Variants in SORBS2 observed in about 807,000 individuals in gnomAD.
The protein encoded by SORBS2 is sorbin and SH3 domain containing 2.
A neutral mutation model predicts 97.7 loss-of-function variants in SORBS2; 46 were observed. That is an observed-to-expected ratio of 0.47 (90% CI 0.37 to 0.60). SORBS2 has a LOEUF of 0.60. Among genes scored for constraint, SORBS2 ranks in the 20% least tolerant of loss-of-function variants. SORBS2 has a pLI of 0.00. For missense variants in SORBS2, 1,316 were observed against 1,282.3 expected (o/e 1.03, Z -0.40); for synonymous variants, 476 against 473.4 (o/e 1.01, Z -0.07).
intron 1 of SORBS2, among the ~76,000 whole-genome samples, chr4:185,915,346 A>G (rs2099257536): frequency 6.6e-6 from 1 of 152,184 alleles, no homozygotes; most frequent in Non-Finnish European, 1.5e-5. Context: ...TGCCTTGAAA[A>G]GCATTTTCCT....
At chr4:185,711,844 G>A (rs2098423340) in intron 2 of SORBS2, among the ~76,000 whole-genome samples, 1 of 152,032 alleles carries the variant, frequency 6.6e-6, no homozygotes, top group South Asian at 2.1e-4. Flanking sequence ...TTCAGCACAC[G>A]CACAAGCTGC....
intron 2 of SORBS2, among the ~76,000 whole-genome samples, chr4:185,765,296 T>C (rs1009310565): frequency 5.9e-5 from 9 of 152,310 alleles, no homozygotes; most frequent in South Asian, 2.1e-4. Flanking sequence ...CTGATTTATA[T>C]GTTAGATAAT....
chr4:185,598,839 G>A (rs1342773906), intron 12 of SORBS2, among the ~76,000 whole-genome samples: 1 of 151,750 alleles, frequency 6.6e-6, no homozygotes, highest in Non-Finnish European at 1.5e-5. Context: ...AAACACACGT[G>A]TAATCTGACA....
At chr4:185,933,914 G>C (rs951821960) in intron 1 of SORBS2, among the ~76,000 whole-genome samples, 2 of 152,186 alleles carry the variant, frequency 1.3e-5, no homozygotes, top group Non-Finnish European at 2.9e-5. Flanking sequence ...AGGAACATAA[G>C]TTGACCTCCA....
At chr4:185,638,848 GAAGA>G (rs1209439171) in intron 4 of SORBS2, 25 bp downstream of exon 14, 1 of 1,428,788 alleles carries the variant, frequency 7.0e-7, no homozygotes, top group Admixed American at 3.4e-5. Context: ...TGCCGGGCAT[GAAGA>G]AAGGTAAGGA....
At chr4:185,928,748 G>A (rs563592682) in intron 1 of SORBS2, among the ~76,000 whole-genome samples, 5 of 152,168 alleles carry the variant, frequency 3.3e-5, no homozygotes, top group South Asian at 2.1e-4. Flanking sequence ...GGGTTTCACC[G>A]TGTTAGCCAG....
At chr4:185,590,527 C>T (rs1010678269) in intron 13 of SORBS2, among the ~76,000 whole-genome samples, 3 of 152,074 alleles carry the variant, frequency 2.0e-5, no homozygotes, top group African/African-American at 7.2e-5. Flanking sequence ...ACATAAGTCT[C>T]TTTTTAAAAT....
At chr4:185,912,789 A>G (rs2099256040) in intron 1 of SORBS2, among the ~76,000 whole-genome samples, 1 of 152,182 alleles carries the variant, frequency 6.6e-6, no homozygotes, top group Admixed American at 6.5e-5. Flanking sequence ...GAGAACATCA[A>G]GCAAAATATT....
At chr4:185,809,872 C>A (rs545125853) in intron 1 of SORBS2, among the ~76,000 whole-genome samples, 99 of 152,296 alleles carry the variant, frequency 6.5e-4, no homozygotes, top group Non-Finnish European at 1.1e-3. Flanking sequence ...CTTCTAAAAG[C>A]TCCCCCAAGA....
At chr4:185,659,571 C>T (rs993659178), upstream of SORBS2, among the ~76,000 whole-genome samples, 24 of 146,118 alleles carry the variant, frequency 1.6e-4, no homozygotes, top group South Asian at 2.3e-4. Flanking sequence ...TGCCCGCCAT[C>T]ACGCCCAGCT....
At chr4:185,730,938 T>TA (rs1297488381) in intron 2 of SORBS2, among the ~76,000 whole-genome samples, 1 of 152,198 alleles carries the variant, frequency 6.6e-6, no homozygotes, top group Admixed American at 6.5e-5. Flanking sequence ...AATAATTTTT[T>TA]AAAAAACCAA....
intron 1 of SORBS2, among the ~76,000 whole-genome samples, chr4:185,885,644 T>C (rs1202887641): frequency 1.3e-5 from 2 of 152,234 alleles, no homozygotes; most frequent in African/African-American, 4.8e-5. Flanking sequence ...AATCTCTCAT[T>C]TTACTCTTCA....
chr4:185,715,494 G>A (rs2098458298), intron 2 of SORBS2, among the ~76,000 whole-genome samples: 1 of 151,724 alleles, frequency 6.6e-6, no homozygotes, highest in South Asian at 2.1e-4. Context: ...GAATAATTAA[G>A]ACTAAAGAAA....
chr4:185,863,494 T>C (rs2099225059), intron 1 of SORBS2, among the ~76,000 whole-genome samples: 1 of 152,226 alleles, frequency 6.6e-6, no homozygotes, highest in Admixed American at 6.5e-5. Flanking sequence ...TATACTGTCT[T>C]CTTATTTGTT....
intron 2 of SORBS2, among the ~76,000 whole-genome samples, chr4:185,757,815 A>C (rs2098840007): frequency 6.6e-6 from 1 of 152,228 alleles, no homozygotes; most frequent in African/African-American, 2.4e-5. Flanking sequence ...AGATCTATAC[A>C]ACTGGATGGA....
chr4:185,735,096 T>C (rs1554230825), intron 2 of SORBS2, among the ~76,000 whole-genome samples: 1 of 152,180 alleles, frequency 6.6e-6, no homozygotes, highest in Non-Finnish European at 1.5e-5. Flanking sequence ...CTGTGCATTT[T>C]CAAAACACAG....
intron 2 of SORBS2, among the ~76,000 whole-genome samples, chr4:185,746,073 G>A (rs1412067810): frequency 1.3e-5 from 2 of 152,202 alleles, no homozygotes; most frequent in Non-Finnish European, 2.9e-5. Context: ...AAAGCAGCAG[G>A]TGGCTTTTCA....
chr4:185,636,040 G>C (rs187263881), intron 4 of SORBS2, among the ~76,000 whole-genome samples: 1 of 152,104 alleles, frequency 6.6e-6, no homozygotes, highest in East Asian at 1.9e-4. Context: ...TGTATTTTTA[G>C]TAGAGAAGGG....
intron 1 of SORBS2, among the ~76,000 whole-genome samples, chr4:185,909,175 A>C (rs2099253434): frequency 6.6e-6 from 1 of 152,246 alleles, no homozygotes; most frequent in Admixed American, 6.5e-5. Context: ...TGACTGAATA[A>C]AGAAAATGTG....
Sources: allele counts gnomAD v4.1 joint callset (sites outside exome capture counted in the v4.1 genomes callset), GRCh38; gene constraint gnomAD v4.1.1; transcripts MANE v1.5; gene names NCBI Gene and HGNC (gene_info 2026-07-23, HGNC 2026-07-21).